Variants in CHID1 observed in about 807,000 individuals in gnomAD.
CHID1 encodes chitinase domain containing 1.
CHID1 carries 44 observed loss-of-function variants against 55.4 expected under a neutral mutation model. That is an observed-to-expected ratio of 0.79 (90% confidence interval 0.62 to 1.02). CHID1 has a LOEUF of 1.02. CHID1 is among the 50% of genes least tolerant of loss of function. The pLI, the probability that CHID1 is intolerant of heterozygous loss-of-function variation, is 0.00. For synonymous variants in CHID1, 216 were observed against 212.9 expected (o/e 1.01, Z -0.13); for missense variants, 491 against 515.3 (o/e 0.95, Z 0.46).
At chr11:881,776 A>T (rs1042954026) in intron 10 of CHID1, among the ~76,000 whole-genome samples, 1 of 150,330 alleles carries the variant, frequency 6.7e-6, no homozygotes, top group African/African-American at 2.5e-5. Flanking sequence ...CTGAGGCAGG[A>T]GGATCGCTTG....
chr11:906,260 G>GTT (rs1852208655), intron 1 of CHID1, among the ~76,000 whole-genome samples: 1 of 143,586 alleles, frequency 7.0e-6, no homozygotes. Context: ...TTTTTTTTGA[G>GTT]TTGGAATCTT....
intron 9 of CHID1, 58 bp downstream of exon 9, chr11:884,010 A>G (rs1213425548): frequency 7.3e-7 from 1 of 1,363,612 alleles, no homozygotes; most frequent in African/African-American, 1.4e-5. Flanking sequence ...CCAGGTCCAC[A>G]CTCACTGCTG....
rs1475829902 is a variant in CHID1, at chr11:869,831, G to C, written c.*27C>G. 8.2e-6 allele frequency: 13 copies of C among 1,590,986 alleles called. No homozygotes were observed. Among genetic ancestry groups the C allele is most frequent in the Non-Finnish European group, 1.1e-5 (13 of 1,159,838 alleles). ...CACTCCATGGCTTAGAAAAGAACAC[G>C]TCCACCGCGGAGGCCGCAATGCCCA... On this transcript the variant is annotated 3_prime_UTR_variant, in exon 13 of 13. Coordinates refer to ENST00000323578, the MANE Select transcript of CHID1 (RefSeq NM_023947.4).
At chr11:878,977 G>A (rs1849703958) in intron 10 of CHID1, among the ~76,000 whole-genome samples, 1 of 152,046 alleles carries the variant, frequency 6.6e-6, no homozygotes, top group South Asian at 2.1e-4. Flanking sequence ...CTCCCAAATA[G>A]CTGGGACTAC....
intron 10 of CHID1, among the ~76,000 whole-genome samples, chr11:878,043 G>A (rs1417296692): frequency 3.9e-5 from 6 of 152,240 alleles, no homozygotes; most frequent in African/African-American, 1.4e-4. Context: ...ACCACCTCCG[G>A]ACTCTTCGGA....
At chr11:892,309 A>G (rs1339321600) in intron 8 of CHID1, among the ~76,000 whole-genome samples, 1 of 152,120 alleles carries the variant, frequency 6.6e-6, no homozygotes, top group Non-Finnish European at 1.5e-5. Context: ...CAGCTGGCAC[A>G]TAAGGGAGAG....
chr11:878,555 TTC>T (rs1230928746), intron 10 of CHID1, among the ~76,000 whole-genome samples: 1 of 151,496 alleles, frequency 6.6e-6, no homozygotes, highest in African/African-American at 2.4e-5. Flanking sequence ...AAGAGTGAAA[TTC>T]TGTCTAAAAA....
At chr11:914,400 G>T, upstream of CHID1, 1 of 626,914 alleles carries the variant, frequency 1.6e-6, no homozygotes, top group Non-Finnish European at 2.5e-6. Flanking sequence ...CCCACTGCCT[G>T]TCTGCCGTGG....
intron 8 of CHID1, among the ~76,000 whole-genome samples, chr11:892,096 C>G (rs762312643): frequency 1.5e-4 from 23 of 152,040 alleles, no homozygotes; most frequent in African/African-American, 3.1e-4. Context: ...GCCTGGGCGA[C>G]AGAGTGAGAC....
At chr11:895,968 G>A (rs561320752) in intron 7 of CHID1, among the ~76,000 whole-genome samples, 24 of 152,060 alleles carry the variant, frequency 1.6e-4, no homozygotes, top group African/African-American at 5.3e-4. Flanking sequence ...GCTCCCAACC[G>A]TCCTCCCCTG....
intron 7 of CHID1, among the ~76,000 whole-genome samples, chr11:895,803 G>C (rs1423602663): frequency 6.6e-6 from 1 of 152,102 alleles, no homozygotes; most frequent in Admixed American, 6.5e-5. Context: ...CTCCCAGGCA[G>C]CAGAATGCCC....
In CHID1 at chr11:883,131, G is replaced by A. The variant is rs116529033; in HGVS notation, c.959+17C>T. ...CCAGTGACACCTTCAGCACGGCAGG[G>A]AGAGCCCTTGGCTCACCTGGCCCCG... On this transcript the variant is annotated intron_variant, in intron 10 of 12. Coordinates refer to ENST00000323578, the MANE Select transcript of CHID1 (RefSeq NM_023947.4). 5,680 of 1,603,712 alleles carry A rather than the reference G, an allele frequency of 3.5e-3. 197 individuals carry two copies. The African/African-American group carries it at 0.068, about 19-fold the overall frequency.
chr11:872,262 A>G (rs1354498561), intron 10 of CHID1, among the ~76,000 whole-genome samples: 2 of 152,058 alleles, frequency 1.3e-5, no homozygotes, highest in African/African-American at 2.4e-5. Flanking sequence ...GGTTCAAGCA[A>G]TTCTCCCACC....
At chr11:914,560 T>C (rs1234851393), upstream of CHID1, 1 of 1,289,370 alleles carries the variant, frequency 7.8e-7, no homozygotes, top group Middle Eastern at 2.1e-4. Context: ...AGGATGCCTC[T>C]CACAGACATC....
chr11:882,065 C>A (rs556380395), intron 10 of CHID1, among the ~76,000 whole-genome samples: 1 of 151,280 alleles, frequency 6.6e-6, no homozygotes, highest in Non-Finnish European at 1.5e-5. Flanking sequence ...GGTGGCTCAC[C>A]CCTGTAATCC....
chr11:871,402 C>A (rs905883649), intron 10 of CHID1, among the ~76,000 whole-genome samples: 60 of 152,288 alleles, frequency 3.9e-4, no homozygotes, highest in African/African-American at 1.4e-3. Context: ...TTGAGAACCA[C>A]CCCCTCCTTC....
intron 7 of CHID1, among the ~76,000 whole-genome samples, chr11:894,912 T>C (rs1851149600): frequency 6.6e-6 from 1 of 152,264 alleles, no homozygotes; most frequent in Middle Eastern, 3.4e-3. Context: ...CCCCGTCAAT[T>C]CCTGGGTAAC....
At chr11:910,883 T>C, upstream of CHID1, 1 of 1,047,174 alleles carries the variant, frequency 9.5e-7, no homozygotes, top group Non-Finnish European at 1.2e-6. Flanking sequence ...CACGGCACGC[T>C]GGGATGGAGA....
intron 2 of CHID1, 31 bp downstream of exon 2, chr11:904,675 C>G: frequency 6.2e-7 from 1 of 1,613,120 alleles, no homozygotes; most frequent in South Asian, 1.1e-5. Flanking sequence ...TCAGCCAGTA[C>G]AGTCACCTCA....
Sources: gnomAD v4.1 joint callset for allele counts (sites outside exome capture counted in the v4.1 genomes callset) on GRCh38, gnomAD v4.1.1 for gene constraint, MANE v1.5 for transcripts, NCBI Gene and HGNC (gene_info 2026-07-23, HGNC 2026-07-21) for gene names.